The following CEP170 variants were observed in gnomAD, a reference collection of about 807,000 sequenced individuals.
CEP170 encodes centrosomal protein of 170 kDa.
In CEP170, 21 loss-of-function variants were observed where a neutral mutation model predicts 151.9. That is an observed-to-expected ratio of 0.14 (90% CI 0.10 to 0.20). The LOEUF (loss-of-function observed/expected upper bound fraction) is 0.20, where lower values mean the gene tolerates loss of function less well. CEP170 is among the 10% of genes least tolerant of loss of function. The pLI is 1.00. For synonymous variants in CEP170, 356 were observed against 648.8 expected (o/e 0.55, Z 6.86); for missense variants, 964 against 1,892.9 (o/e 0.51, Z 9.11).
intron 13 of CEP170, among the ~76,000 whole-genome samples, chr1:243,160,636 C>A (rs1318717005): frequency 6.6e-6 from 1 of 152,064 alleles, no homozygotes; most frequent in Admixed American, 6.5e-5. Context: ...CACATTGCAT[C>A]TTCATACAAT....
At chr1:243,186,718 T>C (rs2059960887) in intron 8 of CEP170, among the ~76,000 whole-genome samples, 1 of 152,244 alleles carries the variant, frequency 6.6e-6, no homozygotes, top group Non-Finnish European at 1.5e-5. Context: ...ATCTCTGCGA[T>C]ATTTGTATTC....
intron 1 of CEP170, among the ~76,000 whole-genome samples, chr1:243,233,741 A>ATAT (rs1553401679): frequency 2.8e-5 from 4 of 140,436 alleles, no homozygotes; most frequent in African/African-American, 1.1e-4. Flanking sequence ...TCAAAAAAAA[A>ATAT]ATATATATAT....
chr1:243,228,485 A>C (rs1006466763), intron 1 of CEP170, among the ~76,000 whole-genome samples: 1 of 152,204 alleles, frequency 6.6e-6, no homozygotes, highest in Admixed American at 6.5e-5. Flanking sequence ...CAAGTCTATA[A>C]AGGTGAATCC....
At chr1:243,141,616 A>G (rs1477607757) in intron 15 of CEP170, among the ~76,000 whole-genome samples, 1 of 152,210 alleles carries the variant, frequency 6.6e-6, no homozygotes, top group Admixed American at 6.5e-5. Context: ...AAAGCAGCCA[A>G]CATGGCCAAA....
chr1:243,160,070 T>C (rs536457086), intron 13 of CEP170, among the ~76,000 whole-genome samples: 7 of 152,304 alleles, frequency 4.6e-5, no homozygotes, highest in Non-Finnish European at 1.0e-4. Context: ...ATTATAGTCA[T>C]GAGACGCTGT....
At chr1:243,138,884 T>A in intron 16 of CEP170, among the ~76,000 whole-genome samples, 1 of 152,144 alleles carries the variant, frequency 6.6e-6, no homozygotes. Flanking sequence ...GGAGATAGTG[T>A]CAAACTGTTT....
rs188087568 is a variant in CEP170 at position 243,198,964 on chromosome 1, T to C, written c.631+96A>G. ...TTTAAAAAATCAAAGTATAGAATAC[T>C]AGATCATCTCTTTTCATGGTAGACA... On this transcript the variant is annotated intron_variant, in intron 7 of 19. Transcript: ENST00000366542. 654 of 844,984 alleles carry C rather than the reference T, an allele frequency of 7.7e-4. 8 individuals carry two copies. The African/African-American group carries it at 9.8e-3, about 13-fold the overall frequency. The allele number at this position is 844,984 out of a possible 1,614,324, so 52.3% of individuals were successfully genotyped here.
chr1:243,156,190 G>C lies in CEP170; in HGVS notation c.3911+31C>G, dbSNP rs2970455. The C allele has an allele frequency of 1.4e-5, 21 of 1,553,518 alleles. No individual in the cohort carries two copies. The East Asian group carries it at 4.7e-4, about 35-fold the overall frequency. On this transcript the variant is annotated intron_variant, in intron 14 of 19. Coordinates refer to ENST00000366542, the MANE Select transcript of CEP170 (RefSeq NM_014812.3). Reference sequence around the variant, plus strand: ...AAGTTGTAATGTTCATAGAAATTTTGAATTCTTAAAGATAAGTCCTGAAAA... The same window carrying C: ...AAGTTGTAATGTTCATAGAAATTTTCAATTCTTAAAGATAAGTCCTGAAAA...
intron 17 of CEP170, among the ~76,000 whole-genome samples, chr1:243,133,776 G>A (rs1303405382): frequency 6.6e-6 from 1 of 152,148 alleles, no homozygotes; most frequent in Non-Finnish European, 1.5e-5. Context: ...TAGGAATGAT[G>A]GAGTCACTAG....
chr1:243,158,643 A>C (rs1470438382), intron 13 of CEP170, among the ~76,000 whole-genome samples: 1 of 152,234 alleles, frequency 6.6e-6, no homozygotes, highest in Non-Finnish European at 1.5e-5. Context: ...CTTAGGATCA[A>C]AATGCAATTA....
At chr1:243,172,504 C>T (rs1451215738) in intron 11 of CEP170, among the ~76,000 whole-genome samples, 193 bp downstream of exon 11, 6 of 152,198 alleles carry the variant, frequency 3.9e-5, no homozygotes, top group East Asian at 3.9e-4. Context: ...TGGCGGTGCA[C>T]GCCTGTAATC....
At chr1:243,218,581 G>A (rs1362407642) in intron 3 of CEP170, among the ~76,000 whole-genome samples, 1 of 152,204 alleles carries the variant, frequency 6.6e-6, no homozygotes, top group East Asian at 1.9e-4. Flanking sequence ...TAGGGTGAAA[G>A]GGGACAGGAG....
chr1:243,215,638 A>G (rs28463378), intron 3 of CEP170, among the ~76,000 whole-genome samples: 7,854 of 152,228 alleles, frequency 0.052, 663 homozygotes, highest in African/African-American at 0.18. Flanking sequence ...GATGTTATCA[A>G]TGACAATGCG....
intron 1 of CEP170, among the ~76,000 whole-genome samples, chr1:243,243,196 C>A (rs186158691): frequency 1.3e-5 from 2 of 152,058 alleles, no homozygotes; most frequent in East Asian, 1.9e-4. Flanking sequence ...TGCACTCCAG[C>A]CTGGGCGACA....
intron 4 of CEP170, among the ~76,000 whole-genome samples, chr1:243,205,887 G>A (rs2061381133): frequency 6.7e-6 from 1 of 148,522 alleles, no homozygotes. Flanking sequence ...GATTTTAGAA[G>A]GTCAACAAAC....
chr1:243,182,649 T>C (rs1454440815), intron 10 of CEP170, among the ~76,000 whole-genome samples: 1 of 152,316 alleles, frequency 6.6e-6, no homozygotes, highest in South Asian at 2.1e-4. Flanking sequence ...TCGAGTCCAA[T>C]CTCATCTCTT....
At chr1:243,151,622 T>G (rs1206178622) in intron 14 of CEP170, among the ~76,000 whole-genome samples, 2 of 152,282 alleles carry the variant, frequency 1.3e-5, no homozygotes, top group Admixed American at 6.5e-5. Flanking sequence ...GGTTGGTTCA[T>G]GAGGCTTAAG....
intron 12 of CEP170, among the ~76,000 whole-genome samples, chr1:243,167,842 T>G (rs1404876840): frequency 6.6e-6 from 1 of 151,904 alleles, no homozygotes; most frequent in African/African-American, 2.4e-5. Flanking sequence ...TAATGGCTAC[T>G]TTACCCTTTT....
At position 243,164,573 on chromosome 1, in the gene CEP170, G is replaced by A; in HGVS notation, c.3387C>T (p.Ser1129=). 1 of 1,613,546 alleles carries A rather than the reference G, an allele frequency of 6.2e-7. No homozygotes were observed. Among genetic ancestry groups the A allele is most frequent in the Non-Finnish European group, 8.5e-7 (1 of 1,179,676 alleles). The change falls in exon 13 of 20, where the codon TCC becomes TCT. Residue 1129 remains serine, a synonymous_variant. Coordinates refer to ENST00000366542, the MANE Select transcript of CEP170 (RefSeq NM_014812.3). ...GAGGTTTTGATGTAGAACTTGTTGT[G>A]GATACTTCAGAAGCAACAGATGCTT... ...ADKASVASEV[S]TTSSTSKPPT... is the part of the protein sequence containing the mutation.
Sources: gnomAD v4.1 joint callset for allele counts (sites outside exome capture counted in the v4.1 genomes callset) on GRCh38, gnomAD v4.1.1 for gene constraint, MANE v1.5 for transcripts, NCBI Gene and HGNC (gene_info 2026-07-23, HGNC 2026-07-21) for gene names.